PRKN: variants seen among roughly 807,000 people sequenced by gnomAD.
PRKN encodes parkin RBR E3 ubiquitin protein ligase, also known as E3 ubiquitin-protein ligase parkin.
PRKN carries 56 observed loss-of-function variants against 59.5 expected under a neutral mutation model. That is an observed-to-expected ratio of 0.94 (90% CI 0.76 to 1.18). The LOEUF (loss-of-function observed/expected upper bound fraction) is 1.18, where lower values mean the gene tolerates loss of function less well. Among genes scored for constraint, PRKN ranks in the 50% most tolerant of loss-of-function variants. The pLI is 0.00. For synonymous variants in PRKN, 250 were observed against 222.1 expected (o/e 1.13, Z -1.12); for missense variants, 657 against 596.4 (o/e 1.10, Z -1.06).
chr6:161,991,798 A>C (rs1024314093), intron 5 of PRKN, among the ~76,000 whole-genome samples: 1 of 152,052 alleles, frequency 6.6e-6, no homozygotes, highest in Non-Finnish European at 1.5e-5. Context: ...AGCCAAGAGC[A>C]CACCACTGCA....
intron 7 of PRKN, among the ~76,000 whole-genome samples, chr6:161,680,776 T>TA (rs1491495272): frequency 0.01 from 197 of 18,844 alleles, no homozygotes; most frequent in Middle Eastern, 0.029. Flanking sequence ...TATATATATA[T>TA]TTTTTTTTTT....
At position 161,488,955 on chromosome 6, in the gene PRKN, C is replaced by T. The variant is rs749273647; in HGVS notation, c.1083+59899G>A. Among the ~76,000 whole-genome samples the T allele has an allele frequency of 1.3e-5, 2 of 152,052 alleles. No homozygotes were observed. The highest frequency in any genetic ancestry group is 2.9e-5 in the Non-Finnish European group (2 of 67,998). ...TGGAGATGAAGAGGTCACGATTTACCATTGGCTGATAACCTACTGTGATGA... is the reference window on the plus strand; with the variant it reads ...TGGAGATGAAGAGGTCACGATTTACTATTGGCTGATAACCTACTGTGATGA... On this transcript the variant is annotated intron_variant, in intron 9 of 11. Transcript: ENST00000366898. The surrounding 1 kb of genome is among the most constrained non-coding windows in gnomAD (Gnocchi z 4.5).
chr6:162,238,996 G>A (rs1286095597), intron 3 of PRKN, among the ~76,000 whole-genome samples: 2 of 152,172 alleles, frequency 1.3e-5, no homozygotes, highest in African/African-American at 4.8e-5. Flanking sequence ...CCTTAATGAT[G>A]CACAAAATGA....
At position 162,361,427 on chromosome 6, in the gene PRKN, A is replaced by G. The variant is rs546959896; in HGVS notation, c.171+81883T>C. 5.7e-3 allele frequency among the ~76,000 whole-genome samples: 860 copies of G among 152,192 alleles called. 3 individuals are homozygous for G. Among genetic ancestry groups the G allele is most frequent in the Non-Finnish European group, 0.01 (688 of 68,010 alleles). Reference sequence around the variant, plus strand: ...ATGAAAAAAAAAGAGTGAGCTTTCTACTCTGTGTGAGAACACAGCAAGAAG... The same window carrying G: ...ATGAAAAAAAAAGAGTGAGCTTTCTGCTCTGTGTGAGAACACAGCAAGAAG... On this transcript the variant is annotated intron_variant, in intron 2 of 11. Transcript: ENST00000366898.
At chr6:161,893,881 C>T (rs1002169707) in intron 6 of PRKN, among the ~76,000 whole-genome samples, 1 of 152,182 alleles carries the variant, frequency 6.6e-6, no homozygotes, top group Non-Finnish European at 1.5e-5. Context: ...CTGTGTTCTC[C>T]TCGACGGATC....
chr6:162,437,930 C>T (rs947822843), intron 2 of PRKN, among the ~76,000 whole-genome samples: 10 of 152,284 alleles, frequency 6.6e-5, no homozygotes, highest in African/African-American at 2.4e-4. Context: ...CTTCATTTCT[C>T]TAGGATAAAT....
At chr6:162,099,064 A>C (rs1188392661) in intron 4 of PRKN, among the ~76,000 whole-genome samples, 1 of 152,216 alleles carries the variant, frequency 6.6e-6, no homozygotes, top group African/African-American at 2.4e-5. Context: ...ATAACAGTAC[A>C]TATACATACT....
intron 6 of PRKN, among the ~76,000 whole-genome samples, chr6:161,902,073 T>G (rs754657994): frequency 2.0e-5 from 3 of 152,192 alleles, no homozygotes; most frequent in Non-Finnish European, 4.4e-5. Flanking sequence ...TCCATTTCAC[T>G]GCAATGTTAT....
intron 1 of PRKN, among the ~76,000 whole-genome samples, chr6:162,669,356 C>G (rs1192415185): frequency 1.3e-5 from 2 of 152,086 alleles, no homozygotes; most frequent in Non-Finnish European, 2.9e-5. Context: ...CTTCTTGAGT[C>G]ACGATTGCCC....
At chr6:161,784,269 GCAA>G (rs1790325226) in intron 7 of PRKN, among the ~76,000 whole-genome samples, 1 of 152,110 alleles carries the variant, frequency 6.6e-6, no homozygotes, top group Non-Finnish European at 1.5e-5. Flanking sequence ...AAAAGTATTA[GCAA>G]CAACAACAAA....
intron 4 of PRKN, among the ~76,000 whole-genome samples, chr6:162,158,705 A>G (rs1167406481): frequency 1.3e-5 from 2 of 152,120 alleles, no homozygotes; most frequent in East Asian, 3.9e-4. Context: ...GGCTGGGATT[A>G]CAGGTGTAAG....
intron 4 of PRKN, among the ~76,000 whole-genome samples, chr6:162,072,723 C>T (rs1327724466): frequency 1.3e-5 from 2 of 152,062 alleles, no homozygotes; most frequent in Non-Finnish European, 2.9e-5. Flanking sequence ...GACTGGGTTT[C>T]GAATCTAATG....
intron 3 of PRKN, among the ~76,000 whole-genome samples, chr6:162,253,085 C>A (rs1240279046): frequency 6.6e-6 from 1 of 152,170 alleles, no homozygotes; most frequent in Admixed American, 6.5e-5. Flanking sequence ...TCTACAGTAA[C>A]CTGGTAAATT....
chr6:162,387,306 G>A (rs1786883323), intron 2 of PRKN, among the ~76,000 whole-genome samples: 1 of 149,628 alleles, frequency 6.7e-6, no homozygotes, highest in Admixed American at 6.7e-5. Flanking sequence ...TTATACTAAA[G>A]GTTATTATTC....
chr6:161,713,345 G>T (rs962268147), intron 7 of PRKN, among the ~76,000 whole-genome samples: 1 of 152,074 alleles, frequency 6.6e-6, no homozygotes, highest in Admixed American at 6.5e-5. Flanking sequence ...TTGGTCTCTA[G>T]TACCCCCTTC....
At chr6:162,016,666 T>C (rs1471623559) in intron 5 of PRKN, among the ~76,000 whole-genome samples, 1 of 152,054 alleles carries the variant, frequency 6.6e-6, no homozygotes, top group Non-Finnish European at 1.5e-5. Context: ...GGTCACTCAA[T>C]AGTAACAACC....
chr6:162,008,359 G>A (rs1404780288), intron 5 of PRKN, among the ~76,000 whole-genome samples: 1 of 152,108 alleles, frequency 6.6e-6, no homozygotes, highest in Non-Finnish European at 1.5e-5. Flanking sequence ...ACCCTACATG[G>A]GCTACATGAG....
chr6:162,673,569 A>G (rs2128230784), intron 1 of PRKN, among the ~76,000 whole-genome samples: 1 of 152,258 alleles, frequency 6.6e-6, no homozygotes, highest in East Asian at 1.9e-4. Flanking sequence ...TATTTTTTGT[A>G]GAGACAGAGT....
At chr6:162,478,161 A>G (rs929350282) in intron 1 of PRKN, among the ~76,000 whole-genome samples, 1 of 152,066 alleles carries the variant, frequency 6.6e-6, no homozygotes, top group African/African-American at 2.4e-5. Context: ...TGTAGAGCTT[A>G]CTCTGAGAAA....
Sources: allele counts gnomAD v4.1 joint callset (sites outside exome capture counted in the v4.1 genomes callset), GRCh38; gene constraint gnomAD v4.1.1; non-coding constraint Gnocchi (gnomAD v3.1); transcripts MANE v1.5; gene names NCBI Gene and HGNC (gene_info 2026-07-23, HGNC 2026-07-21).